The following CLK4 variants were observed in gnomAD, a reference collection of about 807,000 sequenced individuals.
The protein encoded by CLK4 is CDC like kinase 4.
CLK4 carries 37 observed loss-of-function variants against 64.4 expected under a neutral mutation model. The ratio of observed to expected loss-of-function variants is 0.57; its 90% confidence interval spans 0.44 to 0.76. The LOEUF is 0.76. Ranked by LOEUF, CLK4 falls within the 30% of genes least tolerant of loss-of-function variation. CLK4 has a pLI of 0.00. For missense variants in CLK4, 457 were observed against 605.1 expected (o/e 0.76, Z 2.57); for synonymous variants, 175 against 191.6 (o/e 0.91, Z 0.72).
In CLK4 at chr5:178,617,262, C is replaced by A. The variant is rs1581709217; in HGVS notation, c.475+82G>T. ...CAAAATAAAAAAGCAATGAAGAGTT[C>A]TTTAGCCCCCCGCTGACAAACTATT... On this transcript the variant is annotated intron_variant, in intron 4 of 12. Transcript: ENST00000316308. The surrounding 1 kb of genome is among the most constrained non-coding windows in gnomAD (Gnocchi z 5.2). 1 of 1,111,706 alleles carries A rather than the reference C, an allele frequency of 9.0e-7. No homozygotes were observed. Among genetic ancestry groups the A allele is most frequent in the Non-Finnish European group, 1.4e-6 (1 of 731,892 alleles). The allele number at this position is 1,111,706 out of a possible 1,614,324, so 68.9% of individuals were successfully genotyped here.
At chr5:178,625,212 T>G (rs916869467) in intron 1 of CLK4, among the ~76,000 whole-genome samples, 4 of 152,032 alleles carry the variant, frequency 2.6e-5, no homozygotes, top group Non-Finnish European at 5.9e-5. Context: ...CAGTGGCGCC[T>G]CATCCCTTGA....
chr5:178,609,734 A>AATATAT lies in CLK4; in HGVS notation c.1052-1282_1052-1277dup, dbSNP rs56177248. 2.1e-4 allele frequency among the ~76,000 whole-genome samples: 30 copies of AATATAT among 141,844 alleles called. 1 individual carries two copies. In the South Asian group the frequency reaches 2.9e-3, roughly 14 times the overall value. 93.1% of individuals were successfully genotyped at this position (141,844 alleles called of 152,430 possible). ...AAATAAAAAATAATAAAAATTTTAA[A>AATATAT]ATATATATATATATATATATATAAA... On this transcript the variant is annotated intron_variant, in intron 9 of 12. Coordinates refer to ENST00000316308, the MANE Select transcript of CLK4 (RefSeq NM_020666.3).
intron 1 of CLK4, among the ~76,000 whole-genome samples, chr5:178,626,553 G>A (rs557619025): frequency 1.3e-5 from 2 of 152,366 alleles, no homozygotes; most frequent in South Asian, 4.1e-4. Context: ...GCCCAGGCCA[G>A]GAATCCAGGG....
Position 178,618,590 on chromosome 5 carries a change from C to T in CLK4, c.350G>A (p.Arg117His), listed in dbSNP as rs367775806. 74 of 1,613,826 alleles carry T rather than the reference C, an allele frequency of 4.6e-5. No individual in the cohort carries two copies. Among genetic ancestry groups the T allele is most frequent in the East Asian group, 2.7e-4 (12 of 44,884 alleles). The stretch of plus-strand genomic sequence containing the variant: ...CTGATGACTTGAACAGTGTCTATTG[C>T]GCTTCCTTTTAGGACTGCTTCTCCT... Reference protein sequence around the residue: ...RSRRSSPKRKRNRHCSSHQSR... With the variant: ...RSRRSSPKRKHNRHCSSHQSR... The change falls in exon 3 of 13, where the codon CGC (arginine) becomes CAC (histidine). Residue 117 changes from arginine (R) to histidine (H), a missense_variant. Transcript: ENST00000316308.
At position 178,618,671 on chromosome 5, in the gene CLK4, T is replaced by C; in HGVS notation, c.269A>G (p.His90Arg). The C allele has an allele frequency of 6.2e-7, 1 of 1,614,036 alleles. No individual in the cohort carries two copies. Among genetic ancestry groups the C allele is most frequent in the Non-Finnish European group, 8.5e-7 (1 of 1,179,924 alleles). Residue 90 changes from histidine to arginine, a missense_variant, in exon 3 of 13, where the codon CAC (histidine) becomes CGC (arginine). His to Arg is a conservative substitution (Grantham distance 29). Transcript: ENST00000316308. Reference sequence around the variant, plus strand: ...TCGATACCCGCTTTCAATGTCTCTGTGATAATGTCTAGGAACATATCCTTC... The same window carrying C: ...TCGATACCCGCTTTCAATGTCTCTGCGATAATGTCTAGGAACATATCCTTC... ...YCEGYVPRHYHRDIESGYRIH... is the reference protein window; with the variant it reads ...YCEGYVPRHYRRDIESGYRIH...
chr5:178,618,986 CTG>C (rs1764667546), intron 2 of CLK4, among the ~76,000 whole-genome samples: 1 of 152,130 alleles, frequency 6.6e-6, no homozygotes, highest in Non-Finnish European at 1.5e-5. Context: ...ATAGAGTTTG[CTG>C]TCAAGCACTT....
intron 2 of CLK4, chr5:178,622,743 C>G (rs188276091): frequency 2.0e-5 from 3 of 152,900 alleles, no homozygotes; most frequent in Non-Finnish European, 2.9e-5. Flanking sequence ...AAACATATCC[C>G]TTGGCCTCAT....
chr5:178,613,925 T>G, intron 5 of CLK4, 82 bp from the exon 6 acceptor site: 1 of 914,362 alleles, frequency 1.1e-6, no homozygotes, highest in African/African-American at 1.7e-5. Flanking sequence ...ATAGTCTTAA[T>G]TACCAATTCC....
rs199582084 is a variant in CLK4, at chr5:178,612,387, T to C, written c.1051+29A>G. On this transcript the variant is annotated intron_variant, in intron 9 of 12. Coordinates refer to ENST00000316308, the MANE Select transcript of CLK4 (RefSeq NM_020666.3). Reference sequence around the variant, plus strand: ...AGAACAAAAATCTCTTCTTCAATTATAATATTAGAAAGCCTGGTGTCTACT... The same window carrying C: ...AGAACAAAAATCTCTTCTTCAATTACAATATTAGAAAGCCTGGTGTCTACT... The C allele has an allele frequency of 7.7e-4, 1,204 of 1,554,310 alleles. 1 individual carries two copies. The African/African-American group carries it at 0.011, about 15-fold the overall frequency.
In CLK4 at chr5:178,613,528, T is replaced by C; in HGVS notation, c.771A>G (p.Pro257=). Residue 257 remains proline, a synonymous_variant, in exon 7 of 13, where the codon CCA becomes CCG. Transcript: ENST00000316308. ...TCTGCCTGATGTGGTCAATTTGAAA[T>C]GGCAGAAAGCTGTTTTCTTTAATGA... ...YDFIKENSFL[P]FQIDHIRQMA... The C allele has an allele frequency of 6.2e-7, 1 of 1,611,642 alleles. No individual in the cohort carries two copies. Among genetic ancestry groups the C allele is most frequent in the East Asian group, 2.2e-5 (1 of 44,802 alleles).
chr5:178,604,458 AAAAAC>A (rs1387586252), intron 11 of CLK4: 2 of 151,940 alleles, frequency 1.3e-5, no homozygotes, highest in East Asian at 3.9e-4. Context: ...AAAAAAAAAA[AAAAAC>A]AAAAAAAACC....
chr5:178,623,097 G>A (rs1764731041), intron 2 of CLK4, 159 bp downstream of exon 2: 1 of 674,240 alleles, frequency 1.5e-6, no homozygotes, highest in Admixed American at 2.9e-5. Context: ...TACAGCTGTA[G>A]CCTCAGCGCC....
chr5:178,607,866 G>A (rs751334400), intron 10 of CLK4, among the ~76,000 whole-genome samples: 18 of 152,046 alleles, frequency 1.2e-4, no homozygotes, highest in Non-Finnish European at 2.4e-4. Flanking sequence ...ACTATACTGC[G>A]ATAACTTTCC....
At position 178,624,748 on chromosome 5, in the gene CLK4, T is replaced by C. The variant is rs576754343; in HGVS notation, c.1-1332A>G. Among the ~76,000 whole-genome samples, 7 of 151,306 alleles carry C rather than the reference T, an allele frequency of 4.6e-5. No individual in the cohort carries two copies. In the South Asian group the frequency reaches 1.4e-3, roughly 31 times the overall value. On this transcript the variant is annotated intron_variant, in intron 1 of 12. Transcript: ENST00000316308. ...AGTAAAACCCACTCAGTTAACCTCA[T>C]TCAGCTTGCCCAAATGACTAATAAG...
intron 2 of CLK4, among the ~76,000 whole-genome samples, chr5:178,621,310 T>C (rs1764703559): frequency 6.6e-6 from 1 of 152,172 alleles, no homozygotes; most frequent in African/African-American, 2.4e-5. Context: ...CTTGATACTT[T>C]ATGTTACAGG....
intron 1 of CLK4, among the ~76,000 whole-genome samples, chr5:178,624,019 T>C (rs1764746522): frequency 6.6e-6 from 1 of 152,312 alleles, no homozygotes; most frequent in South Asian, 2.1e-4. Context: ...ATACTAAATA[T>C]GGGAGGTGAC....
At chr5:178,610,644 C>T (rs145052498) in intron 9 of CLK4, among the ~76,000 whole-genome samples, 2,254 of 152,108 alleles carry the variant, frequency 0.015, 27 homozygotes, top group Non-Finnish European at 0.021. Context: ...CTGGTGGGTG[C>T]GGTGGCTCAC....
At chr5:178,612,977 T>C (rs957407462) in intron 7 of CLK4, 87 bp from the exon 8 acceptor site, 2 of 632,254 alleles carry the variant, frequency 3.2e-6, no homozygotes, top group Non-Finnish European at 5.6e-6. Flanking sequence ...AAGGATATAG[T>C]GGTCAAGAGA....
chr5:178,626,583 A>C (rs906831350), intron 1 of CLK4, among the ~76,000 whole-genome samples: 41 of 152,244 alleles, frequency 2.7e-4, no homozygotes, highest in Admixed American at 5.2e-4. Context: ...ATCTCCGACA[A>C]CACGAATGCC....
Sources: gnomAD v4.1 joint callset for allele counts (sites outside exome capture counted in the v4.1 genomes callset) on GRCh38, gnomAD v4.1.1 for gene constraint, Gnocchi (gnomAD v3.1) non-coding constraint, MANE v1.5 for transcripts, NCBI Gene and HGNC (gene_info 2026-07-23, HGNC 2026-07-21) for gene names.